Variants in RAB3GAP1 observed in about 807,000 individuals in gnomAD.
RAB3GAP1 encodes rab3 GTPase-activating protein catalytic subunit.
A neutral mutation model predicts 130.7 loss-of-function variants in RAB3GAP1; 86 were observed. That is an observed-to-expected ratio of 0.66 (90% CI 0.55 to 0.79). The LOEUF is 0.79. RAB3GAP1 is among the 30% of genes least tolerant of loss of function. The pLI, the probability that RAB3GAP1 is intolerant of heterozygous loss-of-function variation, is 0.00. For synonymous variants in RAB3GAP1, 367 were observed against 401.7 expected (o/e 0.91, Z 1.03); for missense variants, 1,029 against 1,169.4 (o/e 0.88, Z 1.75).
rs573073730 is a variant in RAB3GAP1 at position 135,130,557 on chromosome 2, G to C, written c.1072G>C (p.Ala358Pro). 16 of 1,612,032 alleles carry C rather than the reference G, an allele frequency of 9.9e-6. No homozygotes were observed. The African/African-American group carries it at 2.0e-4, about 20-fold the overall frequency. ...SAFEEEGKET[A>P]DITHALSKLT... ...TATTTCTGTTCTTTTTATAGAAACT[G>C]CTGATATAACTCATGCTTTGTCAAA... Residue 358 changes from alanine to proline, a missense_variant, in exon 13 of 24, where the codon GCT becomes CCT. Coordinates refer to ENST00000264158, the MANE Select transcript of RAB3GAP1 (RefSeq NM_012233.3).
intron 9 of RAB3GAP1, among the ~76,000 whole-genome samples, chr2:135,125,551 G>T (rs1691323817): frequency 6.6e-6 from 1 of 152,142 alleles, no homozygotes; most frequent in Non-Finnish European, 1.5e-5. Context: ...ATACCTTAAT[G>T]AAAGTTATGT....
At chr2:135,106,724 C>T (rs62170177) in intron 5 of RAB3GAP1, among the ~76,000 whole-genome samples, 5 of 147,458 alleles carry the variant, frequency 3.4e-5, no homozygotes, top group Non-Finnish European at 5.9e-5. Flanking sequence ...ATCCCCCTCT[C>T]CGAGAAACAC....
chr2:135,153,515 A>G, intron 18 of RAB3GAP1, 134 bp from the exon 19 acceptor site: 1 of 772,758 alleles, frequency 1.3e-6, no homozygotes, highest in South Asian at 1.5e-5. Context: ...TTTAAAGGTG[A>G]CATCCAAATT....
intron 23 of RAB3GAP1, among the ~76,000 whole-genome samples, chr2:135,165,306 A>G (rs967376892): frequency 6.6e-6 from 1 of 152,214 alleles, no homozygotes; most frequent in Non-Finnish European, 1.5e-5. Context: ...GTTACTGGCT[A>G]AGGGCTCTGG....
intron 17 of RAB3GAP1, 115 bp downstream of exon 17, chr2:135,136,047 C>T: frequency 7.1e-7 from 1 of 1,407,392 alleles, no homozygotes; most frequent in Non-Finnish European, 1.0e-6. Flanking sequence ...ATGTTTAGGC[C>T]AGATGCGGTG....
At chr2:135,064,936 AGAGAGTG>A (rs1689276790) in intron 3 of RAB3GAP1, among the ~76,000 whole-genome samples, 1 of 145,634 alleles carries the variant, frequency 6.9e-6, no homozygotes. Context: ...TTTTGGTTGT[AGAGAGTG>A]GTTTGCTTGG....
At chr2:135,125,158 T>C (rs895608821) in intron 9 of RAB3GAP1, among the ~76,000 whole-genome samples, 6 of 152,212 alleles carry the variant, frequency 3.9e-5, no homozygotes, top group Admixed American at 3.9e-4. Context: ...AACACTGATA[T>C]ACTTTCTGTC....
chr2:135,112,906 A>G (rs1199945217), intron 5 of RAB3GAP1, among the ~76,000 whole-genome samples: 2 of 151,990 alleles, frequency 1.3e-5, no homozygotes, highest in African/African-American at 4.8e-5. Flanking sequence ...ATTTTAGCTG[A>G]ATCAAATTTA....
chr2:135,154,002 G>T (rs183691548), intron 19 of RAB3GAP1, 126 bp downstream of exon 19: 8 of 863,554 alleles, frequency 9.3e-6, no homozygotes, highest in Middle Eastern at 2.4e-4. Context: ...TTCAATGAGC[G>T]TTTTATATAT....
At chr2:135,118,002 A>T (rs1691081106) in intron 7 of RAB3GAP1, among the ~76,000 whole-genome samples, 2 of 151,946 alleles carry the variant, frequency 1.3e-5, no homozygotes, top group Non-Finnish European at 2.9e-5. Flanking sequence ...ATAGGTGTGT[A>T]TCACCACACA....
intron 3 of RAB3GAP1, among the ~76,000 whole-genome samples, chr2:135,060,495 T>C (rs971777046): frequency 1.1e-4 from 16 of 151,642 alleles, no homozygotes; most frequent in Admixed American, 7.9e-4. Context: ...CTCCTGACCT[T>C]GTGATCTGCC....
intron 3 of RAB3GAP1, among the ~76,000 whole-genome samples, chr2:135,065,417 C>G (rs992339066): frequency 2.6e-5 from 4 of 152,152 alleles, no homozygotes; most frequent in Non-Finnish European, 4.4e-5. Context: ...TGCAGTGATT[C>G]ATTGCAGAAG....
intron 5 of RAB3GAP1, among the ~76,000 whole-genome samples, chr2:135,099,655 ATT>A (rs111639461): frequency 6.8e-5 from 10 of 146,286 alleles, no homozygotes; most frequent in African/African-American, 2.5e-4. Context: ...AGAGTGTAAA[ATT>A]TTTTTTTTTT....
intron 3 of RAB3GAP1, among the ~76,000 whole-genome samples, chr2:135,082,843 G>T (rs1020670072): frequency 6.6e-6 from 1 of 151,818 alleles, no homozygotes; most frequent in Non-Finnish European, 1.5e-5. Flanking sequence ...GGTATCCTTG[G>T]GGGGATTGGT....
At chr2:135,117,786 G>GCTTCTT (rs1164520454) in intron 7 of RAB3GAP1, among the ~76,000 whole-genome samples, 24 of 119,304 alleles carry the variant, frequency 2.0e-4, no homozygotes, top group East Asian at 1.1e-3. Flanking sequence ...TGCTTCTTCT[G>GCTTCTT]CTTCTTCTTC....
exon 25 of RAB3GAP1, chr2:135,176,318 C>G (rs1693000161): frequency 6.6e-6 from 1 of 152,096 alleles, no homozygotes; most frequent in Admixed American, 6.6e-5. Context: ...GATTGCAGCA[C>G]TGTTCACAAC....
At chr2:135,152,115 A>T (rs1159525385) in intron 18 of RAB3GAP1, among the ~76,000 whole-genome samples, 2 of 152,258 alleles carry the variant, frequency 1.3e-5, no homozygotes, top group Non-Finnish European at 2.9e-5. Context: ...CATTTAAGGA[A>T]ATATGTAGTT....
rs774782902 is a variant in RAB3GAP1, at chr2:135,169,894, A to G, written c.*1113A>G. 6 of 389,474 alleles carry G rather than the reference A, an allele frequency of 1.5e-5. No homozygotes were observed. Among genetic ancestry groups the G allele is most frequent in the Non-Finnish European group, 3.1e-5 (6 of 194,094 alleles). 24.1% of individuals were successfully genotyped at this position (389,474 alleles called of 1,614,324 possible). ...AAAATTCCCACTTAAATCCAAAGTA[A>G]AAATGGTTATACTGAAGCATAAACC... On this transcript the variant is annotated 3_prime_UTR_variant, in exon 24 of 24. Coordinates refer to ENST00000264158, the MANE Select transcript of RAB3GAP1 (RefSeq NM_012233.3).
chr2:135,145,393 CACACAT>C (rs1390504734), intron 17 of RAB3GAP1, among the ~76,000 whole-genome samples: 3 of 140,094 alleles, frequency 2.1e-5, no homozygotes, highest in African/African-American at 8.9e-5. Flanking sequence ...CCAACACACA[CACACAT>C]ACACACACAC....
Sources: allele counts gnomAD v4.1 joint callset (sites outside exome capture counted in the v4.1 genomes callset), GRCh38; gene constraint gnomAD v4.1.1; transcripts MANE v1.5; gene names NCBI Gene and HGNC (gene_info 2026-07-23, HGNC 2026-07-21).